KIAA1671: variants seen among roughly 807,000 people sequenced by gnomAD.
The protein encoded by KIAA1671 is uncharacterized protein KIAA1671.
In KIAA1671, 52 loss-of-function variants were observed where a neutral mutation model predicts 131.2. That is an observed-to-expected ratio of 0.40 (90% CI 0.32 to 0.50). The LOEUF (loss-of-function observed/expected upper bound fraction) is 0.50. KIAA1671 is among the 20% of genes least tolerant of loss of function. KIAA1671 has a pLI of 0.73. For missense variants in KIAA1671, 2,360 were observed against 2,364.2 expected (o/e 1.00, Z 0.04); for synonymous variants, 1,003 against 961.6 (o/e 1.04, Z -0.80).
intron 1 of KIAA1671, among the ~76,000 whole-genome samples, chr22:25,017,261 T>C (rs1397218290): frequency 3.3e-5 from 5 of 152,142 alleles, no homozygotes; most frequent in Admixed American, 2.0e-4. Context: ...CAGGCGCCTG[T>C]AGTCCCAGCT....
intron 4 of KIAA1671, among the ~76,000 whole-genome samples, chr22:25,037,182 G>T (rs1028861700): frequency 1.3e-5 from 2 of 152,054 alleles, no homozygotes; most frequent in African/African-American, 2.4e-5. Flanking sequence ...AATTGGCTGG[G>T]TGTAGTGATG....
intron 6 of KIAA1671, among the ~76,000 whole-genome samples, chr22:25,091,209 C>A (rs540010577): frequency 5.3e-5 from 8 of 152,256 alleles, no homozygotes; most frequent in African/African-American, 1.9e-4. Context: ...AGGCGCCCAC[C>A]ACCATGTCTG....
intron 6 of KIAA1671, among the ~76,000 whole-genome samples, chr22:25,166,204 G>C (rs1000306029): frequency 6.6e-6 from 1 of 152,182 alleles, no homozygotes; most frequent in East Asian, 1.9e-4. Flanking sequence ...GATCGATGCA[G>C]TATGGCAGTG....
intron 6 of KIAA1671, among the ~76,000 whole-genome samples, chr22:25,096,448 C>T (rs1375400521): frequency 6.6e-6 from 1 of 152,166 alleles, no homozygotes; most frequent in African/African-American, 2.4e-5. Flanking sequence ...TCAAGACACA[C>T]AAGATCTTGT....
chr22:25,074,781 A>C (rs1380607776), intron 6 of KIAA1671, among the ~76,000 whole-genome samples: 1 of 152,188 alleles, frequency 6.6e-6, no homozygotes, highest in Non-Finnish European at 1.5e-5. Context: ...ATTCATCTGC[A>C]ACTGGACACT....
chr22:25,111,216 C>T (rs1008842572), intron 6 of KIAA1671, among the ~76,000 whole-genome samples: 1 of 152,212 alleles, frequency 6.6e-6, no homozygotes, highest in South Asian at 2.1e-4. Context: ...GCCAGATCGC[C>T]GACATACACG....
At chr22:24,984,719 C>G (rs1199350347) in intron 1 of KIAA1671, among the ~76,000 whole-genome samples, 2 of 151,990 alleles carry the variant, frequency 1.3e-5, no homozygotes, top group African/African-American at 4.8e-5. Flanking sequence ...TGAGACCATC[C>G]TGGTCAACAT....
At chr22:24,957,671 C>CTTTTTTTTTTTTTT (rs886130979) in intron 1 of KIAA1671, among the ~76,000 whole-genome samples, 2 of 100,322 alleles carry the variant, frequency 2.0e-5, no homozygotes, top group Non-Finnish European at 3.9e-5. Context: ...TCTTTTGTTC[C>CTTTTTTTTTTTTTT]TTTTTTTTTT....
intron 5 of KIAA1671, among the ~76,000 whole-genome samples, chr22:25,046,402 T>TCCTTCCTCTCTCCATC (rs150802519): frequency 0.21 from 30,561 of 146,726 alleles, 3,302 homozygotes; most frequent in Admixed American, 0.22. Context: ...TTAAAGTGAT[T>TCCTTCCTCTCTCCATC]CCTTCCTCTC....
Position 25,093,798 on chromosome 22 carries a change from C to G in KIAA1671, c.4530+44434C>G, listed in dbSNP as rs28532389. Among the ~76,000 whole-genome samples the G allele has an allele frequency of 7.1e-5, 10 of 140,560 alleles. 2 individuals are homozygous for G. The highest frequency in any genetic ancestry group is 2.2e-4 in the African/African-American group (8 of 36,386). The allele number at this position is 140,560 out of a possible 152,430, so 92.2% of individuals were successfully genotyped here. A position where few individuals can be genotyped will look rare whatever the true frequency, so the allele number is the denominator to read the frequency against. On this transcript the variant is annotated intron_variant, in intron 6 of 12. Transcript: ENST00000358431. The stretch of plus-strand genomic sequence containing the variant: ...TCTCTCTCTCTCTCTCTCTCTCTCT[C>G]TCTCTCTCTCTCTGTCTCTCTCTCT...
At chr22:24,994,058 G>T (rs925832388) in intron 1 of KIAA1671, among the ~76,000 whole-genome samples, 7 of 151,720 alleles carry the variant, frequency 4.6e-5, no homozygotes, top group African/African-American at 1.5e-4. Context: ...TCCAACCTAG[G>T]CAACAAGAAC....
intron 6 of KIAA1671, among the ~76,000 whole-genome samples, chr22:25,136,527 G>T (rs1932682413): frequency 6.6e-6 from 1 of 152,198 alleles, no homozygotes. Flanking sequence ...CAGGAAGCCT[G>T]GGATTTCTGG....
intron 1 of KIAA1671, among the ~76,000 whole-genome samples, chr22:25,021,164 A>G (rs1925645108): frequency 6.6e-6 from 1 of 152,092 alleles, no homozygotes; most frequent in Non-Finnish European, 1.5e-5. Context: ...TCCCCGGCTC[A>G]GACAATCCTC....
At chr22:25,173,182 A>G (rs1348889860) in intron 7 of KIAA1671, among the ~76,000 whole-genome samples, 1 of 152,186 alleles carries the variant, frequency 6.6e-6, no homozygotes, top group East Asian at 1.9e-4. Flanking sequence ...ACTCACTATC[A>G]TGAGAACAGC....
rs561454961 is a variant in KIAA1671 at position 25,197,379 on chromosome 22, A to G, written c.*4978A>G. 6.6e-6 allele frequency: 1 copy of G among 152,380 alleles called. No individual in the cohort carries two copies. Among genetic ancestry groups the G allele is most frequent in the South Asian group, 2.1e-4 (1 of 4,828 alleles). The allele number at this position is 152,380 out of a possible 1,614,324, so 9.4% of individuals were successfully genotyped here. The stretch of plus-strand genomic sequence containing the variant: ...TGCAATAAAACAAGATGACCTTTGC[A>G]TGTACAAAGATGTTGCATTCAGACT... On this transcript the variant is annotated 3_prime_UTR_variant, in exon 13 of 13. Coordinates refer to ENST00000358431, the MANE Select transcript of KIAA1671 (RefSeq NM_001145206.2).
chr22:25,041,647 A>G, intron 5 of KIAA1671, 122 bp downstream of exon 5: 2 of 1,019,538 alleles, frequency 2.0e-6, no homozygotes, highest in Non-Finnish European at 2.8e-6. Context: ...CAGGCTGGGT[A>G]TGAGGCTCCA....
chr22:25,189,769 TTTTG>T (rs55679264), intron 11 of KIAA1671, among the ~76,000 whole-genome samples: 2 of 151,626 alleles, frequency 1.3e-5, no homozygotes, highest in Non-Finnish European at 2.9e-5. Flanking sequence ...AGGACGAATT[TTTTG>T]TTTGTTTGTT....
At chr22:25,068,501 A>ATC (rs1292060278) in intron 6 of KIAA1671, among the ~76,000 whole-genome samples, 1 of 151,578 alleles carries the variant, frequency 6.6e-6, no homozygotes, top group Non-Finnish European at 1.5e-5. Context: ...CAGTGGCACG[A>ATC]TCTCGGCTCA....
chr22:25,178,406 G>A (rs1300448065), intron 9 of KIAA1671, among the ~76,000 whole-genome samples: 2 of 152,244 alleles, frequency 1.3e-5, no homozygotes, highest in African/African-American at 2.4e-5. Flanking sequence ...TCCCTGAGGA[G>A]GACTTGTGGC....
Sources: gnomAD v4.1 joint callset for allele counts (sites outside exome capture counted in the v4.1 genomes callset) on GRCh38, gnomAD v4.1.1 for gene constraint, MANE v1.5 for transcripts, NCBI Gene and HGNC (gene_info 2026-07-23, HGNC 2026-07-21) for gene names.